Variants in RUNX1 observed in about 807,000 individuals in gnomAD.
RUNX1 encodes runt-related transcription factor 1.
In RUNX1, 19 loss-of-function variants were observed where a neutral mutation model predicts 42.8. That is an observed-to-expected ratio of 0.44 (90% CI 0.31 to 0.65). The LOEUF (loss-of-function observed/expected upper bound fraction) is 0.65, where lower values mean the gene tolerates loss of function less well. Among genes scored for constraint, RUNX1 ranks in the 30% least tolerant of loss-of-function variants. RUNX1 has a pLI of 0.07. For missense variants in RUNX1, 528 were observed against 672.0 expected, an observed-to-expected ratio of 0.79 and a Z score of 2.37; for synonymous variants, 271 against 289.4, an observed-to-expected ratio of 0.94 and a Z score of 0.64.
At position 34,843,612 on chromosome 21, in the gene RUNX1, C is replaced by T. The variant is rs8129714; in HGVS notation, c.614-9011G>A. On this transcript the variant is annotated intron_variant, in intron 6 of 8. Transcript: ENST00000675419. The surrounding 1 kb of genome is among the most constrained non-coding windows in gnomAD (Gnocchi z 4.8). The stretch of plus-strand genomic sequence containing the variant: ...TCAATGGACAGGAAAGGCTGGCCAA[C>T]GCCAAGGCAAGATCAACAACCAATA... 0.028 allele frequency among the ~76,000 whole-genome samples: 4,293 copies of T among 152,238 alleles called. 72 individuals are homozygous for T. The highest frequency in any genetic ancestry group is 0.044 in the African/African-American group (1,832 of 41,508).
chr21:34,938,667 C>T (rs1034246889), intron 2 of RUNX1, among the ~76,000 whole-genome samples: 1 of 152,118 alleles, frequency 6.6e-6, no homozygotes, highest in Admixed American at 6.6e-5. Flanking sequence ...ATGATGAACA[C>T]ACATTGTTTA....
At chr21:35,017,600 G>A (rs985729569) in intron 2 of RUNX1, among the ~76,000 whole-genome samples, 1 of 152,184 alleles carries the variant, frequency 6.6e-6, no homozygotes, top group Non-Finnish European at 1.5e-5. Flanking sequence ...TTTCACCTCC[G>A]TGGGCCAGAA....
chr21:34,964,835 G>T (rs1662861762), intron 2 of RUNX1, among the ~76,000 whole-genome samples: 1 of 152,198 alleles, frequency 6.6e-6, no homozygotes, highest in African/African-American at 2.4e-5. Context: ...TGCCCTGAGG[G>T]CATGATGGCT....
intron 7 of RUNX1, among the ~76,000 whole-genome samples, chr21:34,831,293 C>T (rs1218036884): frequency 6.6e-6 from 1 of 152,100 alleles, no homozygotes; most frequent in Non-Finnish European, 1.5e-5. Flanking sequence ...AACCTCAGCC[C>T]TTTAATAGTT....
chr21:34,928,965 G>GC (rs971389956), intron 2 of RUNX1, among the ~76,000 whole-genome samples: 2 of 148,378 alleles, frequency 1.3e-5, no homozygotes, highest in Admixed American at 6.8e-5. Flanking sequence ...TTTTTTTGGG[G>GC]GGGGGGGTAG....
chr21:34,956,663 G>C (rs2058646446), intron 2 of RUNX1, among the ~76,000 whole-genome samples: 2 of 152,172 alleles, frequency 1.3e-5, no homozygotes. Flanking sequence ...GGGCATGAAT[G>C]GGTGACTAGC....
At chr21:34,984,464 G>T (rs980482899) in intron 2 of RUNX1, among the ~76,000 whole-genome samples, 1 of 152,144 alleles carries the variant, frequency 6.6e-6, no homozygotes, top group Admixed American at 6.5e-5. Context: ...ACTTATCTGT[G>T]GGGGAGGCCA....
rs140595526 is a variant in RUNX1 at position 34,932,996 on chromosome 21, C to T, written c.59-40033G>A. Among the ~76,000 whole-genome samples the T allele has an allele frequency of 4.5e-4, 68 of 152,292 alleles. 2 individuals carry two copies. Among genetic ancestry groups the T allele is most frequent in the South Asian group, 2.1e-3 (10 of 4,826 alleles). On this transcript the variant is annotated intron_variant, in intron 2 of 8. Coordinates refer to ENST00000675419, the MANE Select transcript of RUNX1 (RefSeq NM_001754.5). Reference sequence around the variant, plus strand: ...TCTACTCCTATTTCTCACTTTAGTACGTACATGTACGTGTGCATAATGATC... The same window carrying T: ...TCTACTCCTATTTCTCACTTTAGTATGTACATGTACGTGTGCATAATGATC...
chr21:34,939,333 A>G (rs1458770629), intron 2 of RUNX1, among the ~76,000 whole-genome samples: 2 of 152,230 alleles, frequency 1.3e-5, no homozygotes, highest in African/African-American at 4.8e-5. Flanking sequence ...AGAAATGGTC[A>G]TGTCTGCTGG....
At chr21:35,031,610 T>C (rs536664760) in intron 2 of RUNX1, among the ~76,000 whole-genome samples, 91 of 152,020 alleles carry the variant, frequency 6.0e-4, no homozygotes, top group African/African-American at 1.9e-3. Flanking sequence ...AGATAAAGAA[T>C]CAGCCTAAGT....
chr21:34,855,613 G>A (rs538410743), intron 6 of RUNX1, among the ~76,000 whole-genome samples: 1 of 152,304 alleles, frequency 6.6e-6, no homozygotes, highest in East Asian at 1.9e-4. Flanking sequence ...GCTGAGGCGG[G>A]AGAATCGCTT....
chr21:34,990,659 T>G (rs77690566), intron 2 of RUNX1, among the ~76,000 whole-genome samples: 1 of 151,942 alleles, frequency 6.6e-6, no homozygotes, highest in African/African-American at 2.4e-5. Flanking sequence ...TTTTTTTTTT[T>G]GAGACGGAGT....
intron 6 of RUNX1, among the ~76,000 whole-genome samples, chr21:34,857,099 A>C (rs1401296325): frequency 6.6e-6 from 1 of 152,178 alleles, no homozygotes; most frequent in Non-Finnish European, 1.5e-5. Flanking sequence ...GTAAAATGTG[A>C]GACTTTCTAC....
At chr21:34,828,022 T>G (rs918084585) in intron 7 of RUNX1, among the ~76,000 whole-genome samples, 1 of 152,210 alleles carries the variant, frequency 6.6e-6, no homozygotes, top group Non-Finnish European at 1.5e-5. Flanking sequence ...GGGCTATCCC[T>G]GAGAACCCAG....
At chr21:34,883,417 T>C (rs1254197347) in intron 4 of RUNX1, among the ~76,000 whole-genome samples, 3 of 152,178 alleles carry the variant, frequency 2.0e-5, no homozygotes, top group African/African-American at 4.8e-5. Context: ...TTAACAAGCA[T>C]ACTTAAGCCA....
intron 3 of RUNX1, among the ~76,000 whole-genome samples, chr21:34,890,785 C>T (rs887764630): frequency 5.5e-5 from 8 of 144,152 alleles, no homozygotes; most frequent in Non-Finnish European, 1.1e-4. Context: ...GAGTGCATCG[C>T]GCGCGCCCGC....
At chr21:34,818,915 G>A (rs2056869400) in intron 7 of RUNX1, among the ~76,000 whole-genome samples, 1 of 152,186 alleles carries the variant, frequency 6.6e-6, no homozygotes, top group Non-Finnish European at 1.5e-5. Context: ...GTTTTGAAGG[G>A]ACTGCTCAGG....
chr21:34,922,170 G>C (rs532046593), intron 2 of RUNX1, among the ~76,000 whole-genome samples: 53 of 152,202 alleles, frequency 3.5e-4, no homozygotes, highest in Non-Finnish European at 6.8e-4. Context: ...GACTGTAAGT[G>C]GGGGGCTCGA....
intron 2 of RUNX1, among the ~76,000 whole-genome samples, chr21:34,926,513 T>C (rs1429860640): frequency 2.3e-5 from 1 of 43,536 alleles, no homozygotes. Flanking sequence ...ATTGACTAAA[T>C]CTGTCAGCAT....
Sources: gnomAD v4.1 joint callset for allele counts (sites outside exome capture counted in the v4.1 genomes callset) on GRCh38, gnomAD v4.1.1 for gene constraint, Gnocchi (gnomAD v3.1) non-coding constraint, MANE v1.5 for transcripts, NCBI Gene and HGNC (gene_info 2026-07-23, HGNC 2026-07-21) for gene names.